Variants in RFC3 observed in about 807,000 individuals in gnomAD.
RFC3 encodes replication factor C subunit 3.
RFC3 carries 41 observed loss-of-function variants against 45.1 expected under a neutral mutation model. That is an observed-to-expected ratio of 0.91 (90% CI 0.71 to 1.18). The LOEUF (loss-of-function observed/expected upper bound fraction) is 1.18. RFC3 is among the 50% of genes most tolerant of loss of function. The pLI, the probability that RFC3 is intolerant of heterozygous loss-of-function variation, is 0.00. For missense variants in RFC3, 423 were observed against 428.1 expected (o/e 0.99, Z 0.10); for synonymous variants, 149 against 144.0 (o/e 1.03, Z -0.25).
chr13:33,951,388 C>G (rs149290486), intron 8 of RFC3, among the ~76,000 whole-genome samples: 9 of 151,962 alleles, frequency 5.9e-5, no homozygotes, highest in African/African-American at 1.9e-4. Context: ...CATGCCACCA[C>G]GCCTGGCTAA....
In RFC3 at chr13:33,901,323, T is replaced by A. The variant is rs528506262; in HGVS notation, c.880-64764T>A. Among the ~76,000 whole-genome samples the A allele has an allele frequency of 2.6e-3, 393 of 152,122 alleles. 1 individual carries two copies. Among genetic ancestry groups the A allele is most frequent in the Non-Finnish European group, 4.4e-3 (296 of 67,936 alleles). On this transcript the variant is annotated intron_variant, in intron 8 of 8. Coordinates refer to the RFC3 transcript ENST00000434425. ...ATCAATGGATGAATGGATAAAAAAA[T>A]GTGGTATATATACACAATGAAATAT...
chr13:33,881,179 G>A (rs1188154594), intron 8 of RFC3, among the ~76,000 whole-genome samples: 2 of 152,076 alleles, frequency 1.3e-5, no homozygotes, highest in African/African-American at 4.8e-5. Flanking sequence ...TTTTATCTTT[G>A]TTATGAAAAA....
chr13:33,878,718 G>A (rs891872771), intron 8 of RFC3, among the ~76,000 whole-genome samples: 2 of 152,022 alleles, frequency 1.3e-5, no homozygotes, highest in Non-Finnish European at 2.9e-5. Context: ...ATTCAGAATA[G>A]ATTTGCTGAA....
At chr13:33,849,144 G>C (rs1306815482) in intron 8 of RFC3, 1 of 152,266 alleles carries the variant, frequency 6.6e-6, no homozygotes, top group East Asian at 1.9e-4. Context: ...GGAGAATTTT[G>C]GTTTGTTGTT....
At chr13:33,914,245 A>C (rs1014995622) in intron 8 of RFC3, among the ~76,000 whole-genome samples, 9 of 152,138 alleles carry the variant, frequency 5.9e-5, no homozygotes, top group Non-Finnish European at 1.3e-4. Context: ...GGAACCACTC[A>C]TTGTGCTAGA....
chr13:33,959,513 C>G (rs927852730), intron 8 of RFC3, among the ~76,000 whole-genome samples: 1 of 152,164 alleles, frequency 6.6e-6, no homozygotes, highest in Non-Finnish European at 1.5e-5. Context: ...TTGCATTCTT[C>G]CTATGAAATC....
At chr13:33,938,281 G>A (rs2082901406) in intron 8 of RFC3, among the ~76,000 whole-genome samples, 1 of 149,924 alleles carries the variant, frequency 6.7e-6, no homozygotes. Flanking sequence ...AATTAACTAT[G>A]TTGGCATATT....
chr13:33,871,472 C>A (rs1292098202), intron 8 of RFC3, among the ~76,000 whole-genome samples: 1 of 152,218 alleles, frequency 6.6e-6, no homozygotes, highest in African/African-American at 2.4e-5. Context: ...CTGCTGCCCT[C>A]CTGCTGCCCT....
chr13:33,975,693 A>T, the RFC3 span, among the ~76,000 whole-genome samples: 1 of 152,194 alleles, frequency 6.6e-6, no homozygotes. Flanking sequence ...AATCTATGAG[A>T]CTAAAGGCTG....
intron 8 of RFC3, among the ~76,000 whole-genome samples, chr13:33,877,054 T>A (rs1383241334): frequency 6.6e-6 from 1 of 152,244 alleles, no homozygotes; most frequent in Non-Finnish European, 1.5e-5. Flanking sequence ...AAGCTACTAT[T>A]TATTGATGGC....
chr13:33,903,804 T>C (rs2082655878), intron 8 of RFC3, among the ~76,000 whole-genome samples: 2 of 152,056 alleles, frequency 1.3e-5, no homozygotes, highest in Admixed American at 1.3e-4. Context: ...GCCCCTGTGC[T>C]CTCTTTCCTT....
intron 4 of RFC3, among the ~76,000 whole-genome samples, chr13:33,827,678 G>A (rs2082063224): frequency 6.6e-6 from 1 of 152,064 alleles, no homozygotes; most frequent in South Asian, 2.1e-4. Context: ...TACTTAAAAA[G>A]AACAATAACT....
rs940910568 is a variant in RFC3 at position 33,866,286 on chromosome 13, C to T, written c.879+31069C>T. ...GCAGAGATGCCAATGGGAAGTGCTG[C>T]AGGGGCAATGGTCTCATAAACTCAA... On this transcript the variant is annotated intron_variant, in intron 8 of 8. Transcript: ENST00000434425. Among the ~76,000 whole-genome samples, 12 of 152,266 alleles carry T rather than the reference C, an allele frequency of 7.9e-5. No individual in the cohort carries two copies. The Middle Eastern group carries it at 0.014, about 173-fold the overall frequency.
intron 4 of RFC3, among the ~76,000 whole-genome samples, chr13:33,828,876 A>G (rs1406883596): frequency 6.6e-6 from 1 of 152,066 alleles, no homozygotes; most frequent in African/African-American, 2.4e-5. Flanking sequence ...GGTTTCTAGT[A>G]TGTTCCCGTG....
At chr13:33,867,196 A>G (rs1488432176) in intron 8 of RFC3, among the ~76,000 whole-genome samples, 1 of 152,218 alleles carries the variant, frequency 6.6e-6, no homozygotes, top group Non-Finnish European at 1.5e-5. Context: ...ATACTTAATA[A>G]TAGTGCCAAT....
chr13:33,925,607 T>C (rs375532861), intron 8 of RFC3, among the ~76,000 whole-genome samples: 6 of 150,504 alleles, frequency 4.0e-5, no homozygotes, highest in African/African-American at 7.3e-5. Flanking sequence ...TACATACATA[T>C]ATAGTGTACT....
At chr13:33,915,573 C>G (rs549701177) in intron 8 of RFC3, among the ~76,000 whole-genome samples, 2 of 152,136 alleles carry the variant, frequency 1.3e-5, no homozygotes, top group African/African-American at 4.8e-5. Context: ...CATGCCCATG[C>G]CAGAATTTTG....
chr13:33,906,417 C>T (rs2137685060), intron 8 of RFC3, among the ~76,000 whole-genome samples: 1 of 151,896 alleles, frequency 6.6e-6, no homozygotes, highest in South Asian at 2.1e-4. Flanking sequence ...CGGGAGATAC[C>T]CAGAATCTCC....
the RFC3 span, among the ~76,000 whole-genome samples, chr13:33,973,156 A>G: frequency 0.058 from 8,688 of 150,322 alleles, 773 homozygotes; most frequent in African/African-American, 0.2. Context: ...GTGTGTGTGT[A>G]TATATATATA....
Sources: gnomAD v4.1 joint callset for allele counts (sites outside exome capture counted in the v4.1 genomes callset) on GRCh38, gnomAD v4.1.1 for gene constraint, MANE v1.5 for transcripts, NCBI Gene and HGNC (gene_info 2026-07-23, HGNC 2026-07-21) for gene names.